Variants in PCYT1A observed in about 807,000 individuals in gnomAD.
PCYT1A encodes the protein phosphate cytidylyltransferase 1A, choline, also known as choline-phosphate cytidylyltransferase A.
A neutral mutation model predicts 43.7 loss-of-function variants in PCYT1A; 25 were observed. The ratio of observed to expected loss-of-function variants is 0.57; its 90% CI spans 0.42 to 0.80. The LOEUF (loss-of-function observed/expected upper bound fraction) is 0.80, where lower values mean the gene tolerates loss of function less well. Ranked by LOEUF, PCYT1A falls within the 30% of genes least tolerant of loss-of-function variation. The probability of loss-of-function intolerance (pLI) is 0.00; values close to 1 mark genes in which losing one functional copy is unlikely to be tolerated. For missense variants in PCYT1A, 421 were observed against 474.2 expected (o/e 0.89, Z 1.04); for synonymous variants, 172 against 170.7 (o/e 1.01, Z -0.06).
At chr3:196,250,273 C>T (rs896944773) in intron 3 of PCYT1A, among the ~76,000 whole-genome samples, 1 of 151,730 alleles carries the variant, frequency 6.6e-6, no homozygotes, top group African/African-American at 2.4e-5. Context: ...ACCAGATACA[C>T]CATGCCGAGG....
chr3:196,241,747 G>C, intron 7 of PCYT1A: 1 of 1,249,964 alleles, frequency 8.0e-7, no homozygotes, highest in Non-Finnish European at 1.1e-6. Flanking sequence ...GGCTTTATAC[G>C]AATGTGTTGG....
Sources: allele counts gnomAD v4.1 joint callset (sites outside exome capture counted in the v4.1 genomes callset), GRCh38; gene constraint gnomAD v4.1.1; transcripts MANE v1.5; gene names NCBI Gene and HGNC (gene_info 2026-07-23, HGNC 2026-07-21).